QTGAL: variants seen among roughly 807,000 people sequenced by gnomAD.
QTGAL encodes the protein BGnT-like protein 1.
chr17:82,977,555 C>T, the QTGAL span, among the ~76,000 whole-genome samples: 3 of 152,146 alleles, frequency 2.0e-5, no homozygotes, highest in African/African-American at 7.2e-5. Flanking sequence ...CAGTGGGGAG[C>T]GAGCAACGCC....
chr17:83,014,724 A>C, the QTGAL span, among the ~76,000 whole-genome samples: 1 of 152,252 alleles, frequency 6.6e-6, no homozygotes, highest in Admixed American at 6.5e-5. Flanking sequence ...CTCAGCCCCA[A>C]GAACATATTT....
At chr17:83,037,576 G>A in the QTGAL span, among the ~76,000 whole-genome samples, 141 of 152,352 alleles carry the variant, frequency 9.3e-4, no homozygotes, top group Non-Finnish European at 1.7e-3. The surrounding 1 kb of genome is among the most constrained non-coding windows in gnomAD (Gnocchi z 5.2). Context: ...CAGGGCCGCT[G>A]CAGCCAAGCC....
At chr17:83,019,976 C>G in the QTGAL span, among the ~76,000 whole-genome samples, 1 of 152,122 alleles carries the variant, frequency 6.6e-6, no homozygotes, top group African/African-American at 2.4e-5. Flanking sequence ...TTAGGTGATC[C>G]ACCCGCCTTG....
the QTGAL span, among the ~76,000 whole-genome samples, chr17:82,963,087 C>T: frequency 6.6e-6 from 1 of 152,158 alleles, no homozygotes; most frequent in Non-Finnish European, 1.5e-5. Flanking sequence ...GGGAAGAAGC[C>T]GAGTGGAGGA....
At chr17:83,011,885 C>A in the QTGAL span, among the ~76,000 whole-genome samples, 1 of 151,860 alleles carries the variant, frequency 6.6e-6, no homozygotes, top group African/African-American at 2.4e-5. Context: ...TTTGAACACA[C>A]GCCACGAACT....
chr17:82,999,930 A>G, the QTGAL span, among the ~76,000 whole-genome samples: 1 of 151,840 alleles, frequency 6.6e-6, no homozygotes, highest in African/African-American at 2.4e-5. Flanking sequence ...GAAAACTGTG[A>G]GAGGTCACTG....
the QTGAL span, among the ~76,000 whole-genome samples, chr17:83,009,098 G>C: frequency 6.6e-6 from 1 of 152,090 alleles, no homozygotes; most frequent in Non-Finnish European, 1.5e-5. Flanking sequence ...CTCGAGGTGA[G>C]TCCCCCATCA....
the QTGAL span, among the ~76,000 whole-genome samples, chr17:82,952,355 C>T: frequency 6.6e-6 from 1 of 152,166 alleles, no homozygotes; most frequent in Admixed American, 6.5e-5. Flanking sequence ...CTATCAACCA[C>T]TCACCCGTGG....
chr17:83,038,171 A>G, the QTGAL span, among the ~76,000 whole-genome samples: 3 of 152,044 alleles, frequency 2.0e-5, no homozygotes, highest in African/African-American at 7.2e-5. Context: ...AGTCAATATA[A>G]CTCTCCCTAT....
At chr17:82,969,908 G>C in the QTGAL span, among the ~76,000 whole-genome samples, 1 of 152,088 alleles carries the variant, frequency 6.6e-6, no homozygotes, top group African/African-American at 2.4e-5. Flanking sequence ...TTGAACTCCT[G>C]AGCTCAAGTG....
chr17:82,969,448 A>G, the QTGAL span, among the ~76,000 whole-genome samples: 1 of 152,100 alleles, frequency 6.6e-6, no homozygotes, highest in Non-Finnish European at 1.5e-5. Context: ...GCCTCAGGTG[A>G]TCCACCTGCC....
At chr17:83,015,164 TGCG>T in the QTGAL span, among the ~76,000 whole-genome samples, 7 of 150,172 alleles carry the variant, frequency 4.7e-5, no homozygotes, top group Admixed American at 2.0e-4. The surrounding 1 kb of genome is among the most constrained non-coding windows in gnomAD (Gnocchi z 4.4). Context: ...GGGGACCGTC[TGCG>T]GTGAGGACCT....
chr17:83,049,619 A>G, the QTGAL span, among the ~76,000 whole-genome samples: 1 of 152,084 alleles, frequency 6.6e-6, no homozygotes, highest in African/African-American at 2.4e-5. Flanking sequence ...AAAACCTGCA[A>G]CAAAGTAACC....
At chr17:83,051,715 C>A in the QTGAL span, 52 of 1,477,250 alleles carry the variant, frequency 3.5e-5, no homozygotes, top group South Asian at 4.3e-4. Context: ...CACGGCGGGG[C>A]ACCCTCCCCG....
the QTGAL span, chr17:82,981,242 C>A: frequency 6.6e-6 from 1 of 152,226 alleles, no homozygotes; most frequent in Non-Finnish European, 1.5e-5. Context: ...GTGACCCACT[C>A]CCCATGCAGC....
chr17:82,954,340 T>A, the QTGAL span, among the ~76,000 whole-genome samples: 22 of 152,058 alleles, frequency 1.4e-4, no homozygotes, highest in African/African-American at 4.8e-4. Flanking sequence ...AGCATTCCTA[T>A]ACACCAATAA....
chr17:82,971,192 T>A, the QTGAL span, among the ~76,000 whole-genome samples: 1 of 152,216 alleles, frequency 6.6e-6, no homozygotes, highest in Admixed American at 6.5e-5. Context: ...CAGGCCGGTC[T>A]GTGCTCACGG....
the QTGAL span, among the ~76,000 whole-genome samples, chr17:83,039,564 A>C: frequency 2.6e-3 from 95 of 36,564 alleles, no homozygotes; most frequent in Admixed American, 3.7e-3. Context: ...CGCCGCCCGA[A>C]CCTGTTCTAG....
chr17:82,997,699 T>C, the QTGAL span, among the ~76,000 whole-genome samples: 8 of 152,180 alleles, frequency 5.3e-5, no homozygotes, highest in Admixed American at 2.6e-4. Flanking sequence ...AGTGTATGAA[T>C]GAGATCCTGG....
Sources: allele counts gnomAD v4.1 joint callset (sites outside exome capture counted in the v4.1 genomes callset), GRCh38; gene constraint gnomAD v4.1.1; non-coding constraint Gnocchi (gnomAD v3.1); transcripts MANE v1.5; gene names NCBI Gene and HGNC (gene_info 2026-07-23, HGNC 2026-07-21).